The following SHTN1 variants were observed in gnomAD, a reference collection of about 807,000 sequenced individuals.
SHTN1 encodes the protein shootin 1.
A neutral mutation model predicts 83.1 loss-of-function variants in SHTN1; 42 were observed. That is an observed-to-expected ratio of 0.51 (90% confidence interval 0.39 to 0.65). The LOEUF (loss-of-function observed/expected upper bound fraction) is 0.65. Ranked by LOEUF, SHTN1 falls within the 30% of genes least tolerant of loss-of-function variation. The pLI is 0.00. For missense variants in SHTN1, 622 were observed against 737.8 expected, an observed-to-expected ratio of 0.84 and a Z score of 1.82; for synonymous variants, 224 against 247.7, an observed-to-expected ratio of 0.90 and a Z score of 0.90.
At chr10:116,899,824 T>C (rs559553182) in intron 16 of SHTN1, among the ~76,000 whole-genome samples, 42 of 152,332 alleles carry the variant, frequency 2.8e-4, no homozygotes, top group African/African-American at 9.6e-4. Context: ...ATGTGGTTAG[T>C]GTAACAGAGT....
chr10:117,097,584 A>C (rs1197458625), intron 1 of SHTN1, among the ~76,000 whole-genome samples: 1 of 152,196 alleles, frequency 6.6e-6, no homozygotes, highest in Non-Finnish European at 1.5e-5. Flanking sequence ...GATCAGCTTC[A>C]TGGGTCAGAA....
chr10:116,962,932 T>TAA, intron 3 of SHTN1, among the ~76,000 whole-genome samples: 1 of 151,508 alleles, frequency 6.6e-6, no homozygotes, highest in East Asian at 2.0e-4. Context: ...ATTATATCTT[T>TAA]AAAAAGCATG....
intron 1 of SHTN1, among the ~76,000 whole-genome samples, chr10:117,092,611 C>T (rs756921707): frequency 6.6e-6 from 1 of 152,190 alleles, no homozygotes; most frequent in African/African-American, 2.4e-5. Context: ...AAGGATCTGC[C>T]AATCATGAGG....
intron 2 of SHTN1, among the ~76,000 whole-genome samples, chr10:117,027,747 C>G (rs932850367): frequency 6.6e-6 from 1 of 152,216 alleles, no homozygotes. Flanking sequence ...ATCCGCCTGT[C>G]TCAGCCTTCC....
At chr10:116,969,771 T>TA (rs1850538011) in intron 2 of SHTN1, among the ~76,000 whole-genome samples, 2 of 152,158 alleles carry the variant, frequency 1.3e-5, no homozygotes, top group Non-Finnish European at 2.9e-5. Context: ...TGAATTTTTT[T>TA]AAAAAACCTA....
chr10:116,958,346 T>C (rs893370390), intron 4 of SHTN1, among the ~76,000 whole-genome samples: 1 of 152,178 alleles, frequency 6.6e-6, no homozygotes, highest in Admixed American at 6.5e-5. Context: ...TTTTTTAAAT[T>C]TTTTTCTAGG....
At chr10:116,973,655 A>G (rs1850695179) in intron 2 of SHTN1, among the ~76,000 whole-genome samples, 1 of 152,198 alleles carries the variant, frequency 6.6e-6, no homozygotes, top group African/African-American at 2.4e-5. Flanking sequence ...ACCCGATATA[A>G]TGTGAGAAAT....
At chr10:117,094,246 T>C (rs1853475278) in intron 1 of SHTN1, among the ~76,000 whole-genome samples, 1 of 152,210 alleles carries the variant, frequency 6.6e-6, no homozygotes, top group Non-Finnish European at 1.5e-5. Context: ...TCACAGATGT[T>C]GCCACACAGT....
chr10:117,084,502 C>T (rs1853317476), intron 1 of SHTN1, among the ~76,000 whole-genome samples: 2 of 152,178 alleles, frequency 1.3e-5, no homozygotes, highest in Admixed American at 6.5e-5. Context: ...TTTGTCTGTG[C>T]CCGCCCCCAG....
chr10:117,085,178 C>T (rs982534011), intron 1 of SHTN1, among the ~76,000 whole-genome samples: 4 of 152,072 alleles, frequency 2.6e-5, no homozygotes, highest in African/African-American at 9.7e-5. Context: ...TATTATTTTT[C>T]TTCTACTTTC....
chr10:116,969,318 G>A lies in SHTN1; in HGVS notation c.112-606C>T, dbSNP rs572381956. ...TAGCCAGGCGTGGTGGTGCGCACCT[G>A]TAATCCCAGCTACTCGGGAGGCTGA... On this transcript the variant is annotated intron_variant, in intron 2 of 16. Coordinates refer to ENST00000355371, the MANE Select transcript of SHTN1 (RefSeq NM_001127211.3). Among the ~76,000 whole-genome samples the A allele has an allele frequency of 1.2e-4, 18 of 152,198 alleles. 1 individual carries two copies. In the South Asian group the frequency reaches 1.2e-3, roughly 11 times the overall value.
chr10:117,097,028 T>TAAACAC (rs1472242175), intron 1 of SHTN1, among the ~76,000 whole-genome samples: 68 of 98,536 alleles, frequency 6.9e-4, no homozygotes, highest in African/African-American at 2.4e-3. Context: ...CACACACACA[T>TAAACAC]AGACACACAC....
intron 2 of SHTN1, among the ~76,000 whole-genome samples, chr10:116,972,259 G>T (rs1271405992): frequency 1.3e-5 from 2 of 152,126 alleles, no homozygotes; most frequent in African/African-American, 2.4e-5. Context: ...TCTATCAGGG[G>T]TCTTCATGTT....
At chr10:116,909,076 C>T (rs879596359) in intron 14 of SHTN1, among the ~76,000 whole-genome samples, 2 of 152,184 alleles carry the variant, frequency 1.3e-5, no homozygotes, top group Non-Finnish European at 2.9e-5. Context: ...CAGAAATTAA[C>T]TTAGAAACTG....
intron 2 of SHTN1, among the ~76,000 whole-genome samples, chr10:117,017,470 G>A (rs1383980510): frequency 8.0e-5 from 10 of 124,694 alleles, no homozygotes; most frequent in African/African-American, 2.1e-4. Flanking sequence ...CAGCCTGGGC[G>A]ACAGAGCGAG....
intron 2 of SHTN1, among the ~76,000 whole-genome samples, chr10:116,972,193 T>G (rs1297077529): frequency 6.6e-6 from 1 of 152,234 alleles, no homozygotes. Flanking sequence ...GGGTTCACAC[T>G]AATCCTATGG....
chr10:117,040,315 G>C (rs1288788676), intron 2 of SHTN1, among the ~76,000 whole-genome samples: 1 of 152,038 alleles, frequency 6.6e-6, no homozygotes, highest in African/African-American at 2.4e-5. Context: ...ATTATTTAAG[G>C]ATAAGAAAAA....
chr10:116,894,928 C>T (rs1457676044), intron 16 of SHTN1, among the ~76,000 whole-genome samples: 1 of 152,170 alleles, frequency 6.6e-6, no homozygotes, highest in East Asian at 1.9e-4. Context: ...GATCTGCTTA[C>T]CTCTTTCTCC....
intron 1 of SHTN1, among the ~76,000 whole-genome samples, chr10:117,004,223 C>T (rs991989877): frequency 1.3e-5 from 2 of 152,098 alleles, no homozygotes; most frequent in Admixed American, 6.5e-5. Context: ...CGCAGACCAC[C>T]CTTTGGTCAG....
Sources: gnomAD v4.1 joint callset for allele counts (sites outside exome capture counted in the v4.1 genomes callset) on GRCh38, gnomAD v4.1.1 for gene constraint, MANE v1.5 for transcripts, NCBI Gene and HGNC (gene_info 2026-07-23, HGNC 2026-07-21) for gene names.